Variants in ENOX1 observed in about 807,000 individuals in gnomAD.
ENOX1 encodes the protein candidate growth-related and time keeping constitutive hydroquinone (NADH) oxidase.
Under a neutral mutation model 82.5 loss-of-function variants are expected in ENOX1, and 42 were observed. The ratio of observed to expected loss-of-function variants is 0.51; its 90% CI spans 0.40 to 0.66. ENOX1 has a LOEUF of 0.66. Among genes scored for constraint, ENOX1 ranks in the 30% least tolerant of loss-of-function variants. ENOX1 has a pLI of 0.00. For synonymous variants in ENOX1, 271 were observed against 282.2 expected, an observed-to-expected ratio of 0.96 and a Z score of 0.40; for missense variants, 608 against 811.6, an observed-to-expected ratio of 0.75 and a Z score of 3.05.
intron 2 of ENOX1, among the ~76,000 whole-genome samples, chr13:43,641,865 C>A (rs1003269846): frequency 6.6e-6 from 1 of 151,896 alleles, no homozygotes; most frequent in Non-Finnish European, 1.5e-5. Flanking sequence ...AAGTCTCATG[C>A]GTCTATCAAG....
chr13:43,531,399 G>C (rs1018092370), intron 2 of ENOX1, among the ~76,000 whole-genome samples: 4 of 151,736 alleles, frequency 2.6e-5, no homozygotes, highest in Non-Finnish European at 5.9e-5. Flanking sequence ...AGTTAGAATG[G>C]TGATCATTAA....
At chr13:43,234,551 T>C (rs2042432033) in intron 15 of ENOX1, among the ~76,000 whole-genome samples, 1 of 152,206 alleles carries the variant, frequency 6.6e-6, no homozygotes, top group African/African-American at 2.4e-5. Context: ...CTAATATTAG[T>C]AAACTAGTTC....
chr13:43,522,555 C>T (rs9567209), intron 2 of ENOX1, among the ~76,000 whole-genome samples: 24,659 of 152,082 alleles, frequency 0.16, 2,168 homozygotes, highest in East Asian at 0.32. Context: ...GGTCTCGCAA[C>T]GCCTTGTCTG....
chr13:43,267,339 G>T (rs2044439522), intron 13 of ENOX1, among the ~76,000 whole-genome samples: 1 of 152,204 alleles, frequency 6.6e-6, no homozygotes, highest in Admixed American at 6.5e-5. Context: ...GGCCTGGAGG[G>T]ACCTAGAAAA....
chr13:43,597,960 T>C (rs11839933), intron 2 of ENOX1, among the ~76,000 whole-genome samples: 2,004 of 152,234 alleles, frequency 0.013, 45 homozygotes, highest in African/African-American at 0.046. Context: ...ATCCTGCCCA[T>C]ATTTATGACA....
intron 5 of ENOX1, among the ~76,000 whole-genome samples, 189 bp from the exon 6 acceptor site, chr13:43,361,641 A>G (rs2050517464): frequency 1.3e-5 from 2 of 152,356 alleles, no homozygotes; most frequent in Non-Finnish European, 2.9e-5. Flanking sequence ...GATGAACATT[A>G]AACTACATGA....
intron 2 of ENOX1, among the ~76,000 whole-genome samples, chr13:43,632,383 ATTTC>A (rs937237425): frequency 1.3e-5 from 2 of 151,440 alleles, no homozygotes; most frequent in African/African-American, 4.8e-5. Flanking sequence ...TTTTTAATGT[ATTTC>A]TTTTTCTAGT....
rs541398829 is a variant in ENOX1, at chr13:43,694,003, G to A, written c.-284-26459C>T. Among the ~76,000 whole-genome samples the A allele has an allele frequency of 8.5e-5, 13 of 152,248 alleles. No homozygotes were observed. The East Asian group carries it at 1.7e-3, about 20-fold the overall frequency. On this transcript the variant is annotated intron_variant, in intron 1 of 16. Coordinates refer to ENST00000690772, the MANE Select transcript of ENOX1 (RefSeq NM_001347969.2). Reference sequence around the variant, plus strand: ...CTTCCTGAGAACAAAAGAAGTAAAAGTTATTTATAGTGACCTTTTAATGTT... The same window carrying A: ...CTTCCTGAGAACAAAAGAAGTAAAAATTATTTATAGTGACCTTTTAATGTT...
At chr13:43,718,608 C>T (rs749393267) in intron 1 of ENOX1, among the ~76,000 whole-genome samples, 4 of 141,742 alleles carry the variant, frequency 2.8e-5, no homozygotes, top group South Asian at 2.2e-4. Flanking sequence ...ACCCAGGAGG[C>T]GGAGCTTGCA....
chr13:43,417,882 C>T (rs2054721366), intron 3 of ENOX1, among the ~76,000 whole-genome samples: 1 of 152,152 alleles, frequency 6.6e-6, no homozygotes, highest in South Asian at 2.1e-4. Flanking sequence ...AGTTGGAGCA[C>T]AATATTTCAT....
chr13:43,326,276 G>A, intron 10 of ENOX1, 143 bp downstream of exon 10: 1 of 685,472 alleles, frequency 1.5e-6, no homozygotes, highest in Non-Finnish European at 2.5e-6. Context: ...ACAAATCTCA[G>A]CTGCATTTGG....
rs192015194 is a variant in ENOX1, at chr13:43,767,104, A to G, written c.-285+19548T>C. Among the ~76,000 whole-genome samples the G allele has an allele frequency of 2.6e-5, 4 of 152,344 alleles. No homozygotes were observed. In the East Asian group the frequency reaches 7.7e-4, roughly 29 times the overall value. On this transcript the variant is annotated intron_variant, in intron 1 of 16. Transcript: ENST00000690772. ...TTAACACATGAAGGATACGATATGA[A>G]ATTAGTTTCACGGGGAATGAGAACC... is the stretch of plus-strand genomic sequence containing the variant.
chr13:43,634,401 T>A (rs1362344830), intron 2 of ENOX1, among the ~76,000 whole-genome samples: 1 of 152,164 alleles, frequency 6.6e-6, no homozygotes, highest in East Asian at 1.9e-4. Flanking sequence ...AGAGGGAGAT[T>A]TACCACCTAC....
At chr13:43,298,901 T>C (rs1363641437) in intron 11 of ENOX1, among the ~76,000 whole-genome samples, 2 of 152,122 alleles carry the variant, frequency 1.3e-5, no homozygotes, top group African/African-American at 4.8e-5. Flanking sequence ...AATATTGTCT[T>C]CCCCCTTTCT....
At chr13:43,630,886 CAT>C (rs1174933811) in intron 2 of ENOX1, among the ~76,000 whole-genome samples, 3 of 141,890 alleles carry the variant, frequency 2.1e-5, no homozygotes, top group South Asian at 2.3e-4. Context: ...TATATATACA[CAT>C]ATATATACAC....
At chr13:43,444,101 G>T (rs2056501956) in intron 3 of ENOX1, among the ~76,000 whole-genome samples, 1 of 152,140 alleles carries the variant, frequency 6.6e-6, no homozygotes, top group South Asian at 2.1e-4. Context: ...CCTGTGAGTG[G>T]GGTCGGGGGA....
chr13:43,490,352 G>A (rs1289924945), intron 2 of ENOX1, among the ~76,000 whole-genome samples: 2 of 152,128 alleles, frequency 1.3e-5, no homozygotes, highest in African/African-American at 4.8e-5. Context: ...CACCCATAGA[G>A]GATTTAGATG....
At chr13:43,677,024 C>T (rs1054728761) in intron 1 of ENOX1, among the ~76,000 whole-genome samples, 7 of 150,718 alleles carry the variant, frequency 4.6e-5, no homozygotes, top group African/African-American at 1.7e-4. Context: ...CACCGAGTCT[C>T]CCACCAAGAC....
chr13:43,583,233 A>G (rs1280227251), intron 2 of ENOX1, among the ~76,000 whole-genome samples: 6 of 152,256 alleles, frequency 3.9e-5, no homozygotes, highest in African/African-American at 1.4e-4. Context: ...ATCTTGGAAT[A>G]GCAATGCTAA....
Sources: gnomAD v4.1 joint callset for allele counts (sites outside exome capture counted in the v4.1 genomes callset) on GRCh38, gnomAD v4.1.1 for gene constraint, MANE v1.5 for transcripts, NCBI Gene and HGNC (gene_info 2026-07-23, HGNC 2026-07-21) for gene names.